The following DGKD variants were observed in gnomAD, a reference collection of about 807,000 sequenced individuals.
The protein encoded by DGKD is diacylglycerol kinase delta.
DGKD carries 68 observed loss-of-function variants against 154.4 expected under a neutral mutation model. The ratio of observed to expected loss-of-function variants is 0.44; its 90% CI spans 0.36 to 0.54. DGKD has a LOEUF of 0.54. DGKD is among the 20% of genes least tolerant of loss of function. DGKD has a pLI of 0.00. For missense variants in DGKD, 1,343 were observed against 1,593.6 expected (o/e 0.84, Z 2.68); for synonymous variants, 693 against 638.0 (o/e 1.09, Z -1.30).
chr2:233,434,674 T>TGGA lies in DGKD; in HGVS notation c.454-95_454-94insGGA, dbSNP rs1212774565. The TGGA allele has an allele frequency of 3.9e-6, 6 of 1,550,380 alleles. No homozygotes were observed. The African/African-American group carries it at 8.3e-5, about 21-fold the overall frequency. On this transcript the variant is annotated intron_variant, in intron 4 of 29. Transcript: ENST00000264057. ...TCCTTTATAAACCTTCCTCCTCTCC[T>TGGA]CTCTTGGATACTTTGTTTAATCTTG...
At chr2:233,409,868 G>A (rs1390747867) in intron 3 of DGKD, among the ~76,000 whole-genome samples, 1 of 149,766 alleles carries the variant, frequency 6.7e-6, no homozygotes, top group African/African-American at 2.5e-5. Context: ...GTGCAGAAGG[G>A]TTGGCCCTGC....
intron 1 of DGKD, among the ~76,000 whole-genome samples, chr2:233,363,001 A>C (rs1469579949): frequency 6.6e-6 from 1 of 152,268 alleles, no homozygotes; most frequent in Non-Finnish European, 1.5e-5. Flanking sequence ...TATACAGTAC[A>C]TAATAGTTGA....
At chr2:233,369,435 T>TA (rs1702201371) in intron 1 of DGKD, among the ~76,000 whole-genome samples, 1 of 152,248 alleles carries the variant, frequency 6.6e-6, no homozygotes, top group African/African-American at 2.4e-5. Context: ...CCCTGTCTTT[T>TA]AAAAACATTT....
chr2:233,374,910 C>G (rs959646769), intron 1 of DGKD, among the ~76,000 whole-genome samples: 2 of 151,908 alleles, frequency 1.3e-5, no homozygotes, highest in Non-Finnish European at 2.9e-5. Context: ...CTCAAGTGAT[C>G]TGCCTGCCTC....
At chr2:233,434,275 A>G (rs2062619454) in intron 3 of DGKD, 105 bp from the exon 4 acceptor site, 1 of 819,514 alleles carries the variant, frequency 1.2e-6, no homozygotes. Flanking sequence ...ACCTGAATGA[A>G]ATAGTAATTT....
Position 233,468,540 on chromosome 2 carries a change from G to C in DGKD, c.3542G>C (p.Arg1181Pro). The C allele has an allele frequency of 6.2e-7, 1 of 1,613,728 alleles. No homozygotes were observed. The change falls in exon 29 of 30, where the codon CGG becomes CCG. Residue 1181 changes from arginine (R) to proline (P), a missense_variant. Around this residue, in one of 6 missense-constraint regions of DGKD, gnomAD observed 429 missense variants for 496.3 expected, o/e 0.86. Coordinates refer to ENST00000264057, the MANE Select transcript of DGKD (RefSeq NM_152879.3). The stretch of plus-strand genomic sequence containing the variant: ...GGCTCTGAGCTCCTGCACCTGGAGC[G>C]GAGGGACCTCAAGGTACTTCCATAG... ...IRGSELLHLE[R>P]RDLKDLGVTK...
rs766867232 is a variant in DGKD at position 233,446,784 on chromosome 2, C to T, written c.1407C>T (p.Ser469=). 6.6e-5 allele frequency: 107 copies of T among 1,614,072 alleles called. No homozygotes were observed. Among genetic ancestry groups the T allele is most frequent in the Non-Finnish European group, 8.4e-5 (99 of 1,180,042 alleles). ...CCTCTACCGTCACCGAAGACTTCAG[C>T]GAGGATTCCGAGGTATTGCTGGCCT... ...ASSSTVTEDF[S]EDSEVQQILF... is the part of the protein sequence containing the mutation. The change falls in exon 12 of 30, where the codon AGC becomes AGT. Residue 469 remains serine, a synonymous_variant. Coordinates refer to ENST00000264057, the MANE Select transcript of DGKD (RefSeq NM_152879.3).
chr2:233,455,743 C>T (rs1201654515), intron 19 of DGKD, among the ~76,000 whole-genome samples: 1 of 152,260 alleles, frequency 6.6e-6, no homozygotes. Context: ...CATGGCGTCA[C>T]TGCCACCTTG....
rs1281067868 is a variant in DGKD, at chr2:233,459,144, C to T, written c.2695-613C>T. Among the ~76,000 whole-genome samples, 3 of 152,132 alleles carry T rather than the reference C, an allele frequency of 2.0e-5. No individual in the cohort carries two copies. The highest frequency in any genetic ancestry group is 2.1e-4 in the South Asian group (1 of 4,826). On this transcript the variant is annotated intron_variant, in intron 22 of 29. Coordinates refer to ENST00000264057, the MANE Select transcript of DGKD (RefSeq NM_152879.3). This position sits in a 1 kb window ranked among gnomAD's most constrained non-coding sequence, Gnocchi z 5.7. ...CCCCATGGCTTATTTCTGACAGCAG[C>T]GATGGGCTGAGGGCAGTCTTTCTGT...
At chr2:233,409,787 G>GTTTT (rs3075533) in intron 3 of DGKD, among the ~76,000 whole-genome samples, 6 of 60,896 alleles carry the variant, frequency 9.9e-5, no homozygotes, top group Admixed American at 2.5e-4. Context: ...CCCCCATACC[G>GTTTT]TTTTTTTTTT....
intron 1 of DGKD, chr2:233,388,046 C>T (rs944775982): frequency 9.1e-6 from 10 of 1,104,236 alleles, no homozygotes; most frequent in South Asian, 1.8e-5. Context: ...CACAGGCACA[C>T]ATTGCCCCTT....
At chr2:233,430,096 A>G (rs935886661) in intron 3 of DGKD, among the ~76,000 whole-genome samples, 2 of 152,238 alleles carry the variant, frequency 1.3e-5, no homozygotes, top group Non-Finnish European at 2.9e-5. Context: ...TTTTGAATCC[A>G]TGGGGAAGCA....
At chr2:233,462,811 C>G in intron 26 of DGKD, 76 bp downstream of exon 26, 1 of 1,267,274 alleles carries the variant, frequency 7.9e-7, no homozygotes, top group East Asian at 2.3e-5. Flanking sequence ...GCTGGGCACA[C>G]AGGGCAGCAC....
chr2:233,365,543 C>T (rs1248825799), intron 1 of DGKD, among the ~76,000 whole-genome samples: 1 of 152,176 alleles, frequency 6.6e-6, no homozygotes, highest in Non-Finnish European at 1.5e-5. Context: ...CTGCACCTGC[C>T]ACAAGTACTA....
At chr2:233,426,301 T>C (rs1487470361) in intron 3 of DGKD, among the ~76,000 whole-genome samples, 3 of 152,182 alleles carry the variant, frequency 2.0e-5, no homozygotes, top group Non-Finnish European at 4.4e-5. Flanking sequence ...CACTTTTCTT[T>C]TGAGTTATGT....
At chr2:233,432,393 C>T (rs2062553652) in intron 3 of DGKD, among the ~76,000 whole-genome samples, 1 of 141,466 alleles carries the variant, frequency 7.1e-6, no homozygotes. Flanking sequence ...GGCGTGGTTG[C>T]TCACGCCTGT....
rs895301258 is a variant in DGKD at position 233,434,587 on chromosome 2, T to G, written c.453+103T>G. 9.8e-6 allele frequency: 14 copies of G among 1,429,112 alleles called. No individual in the cohort carries two copies. In the African/African-American group the frequency reaches 1.7e-4, roughly 17 times the overall value. The allele number at this position is 1,429,112 out of a possible 1,614,324, so 88.5% of individuals were successfully genotyped here. A position where few individuals can be genotyped will look rare whatever the true frequency, so the allele number is the denominator to read the frequency against. On this transcript the variant is annotated intron_variant, in intron 4 of 29. Transcript: ENST00000264057. Reference sequence around the variant, plus strand: ...CACGTGCGGACCCACAGTCTGGAGCTCACGTTCTTAGCATGTTCTTTATAC... The same window carrying G: ...CACGTGCGGACCCACAGTCTGGAGCGCACGTTCTTAGCATGTTCTTTATAC...
Position 233,468,472 on chromosome 2 carries a change from T to G in DGKD, c.3474T>G (p.Ser1158Arg). The part of the protein sequence containing the change: ...EEVAAWLEHL[S>R]LCEYKDIFTR... ...TTGCTGCCTGGCTGGAGCACCTCAG[T>G]CTCTGTGAGTATAAGGACATCTTCA... Residue 1158 changes from serine to arginine, a missense_variant, in exon 29 of 30, where the codon AGT becomes AGG. This residue lies in a region of DGKD where 429 missense variants were observed against 496.3 expected (regional missense o/e 0.86). Coordinates refer to ENST00000264057, the MANE Select transcript of DGKD (RefSeq NM_152879.3). The G allele has an allele frequency of 6.2e-7, 1 of 1,613,456 alleles. No individual in the cohort carries two copies.
At chr2:233,417,905 C>G (rs1278875207) in intron 3 of DGKD, among the ~76,000 whole-genome samples, 1 of 152,056 alleles carries the variant, frequency 6.6e-6, no homozygotes, top group African/African-American at 2.4e-5. Flanking sequence ...CTCAGTGTCC[C>G]CAGAGGCACA....
Sources: allele counts gnomAD v4.1 joint callset (sites outside exome capture counted in the v4.1 genomes callset), GRCh38; gene constraint gnomAD v4.1.1; regional missense constraint gnomAD v4.1.1; non-coding constraint Gnocchi (gnomAD v3.1); transcripts MANE v1.5; gene names NCBI Gene and HGNC (gene_info 2026-07-23, HGNC 2026-07-21).